The following CACNA1C variants were observed in gnomAD, a reference collection of about 807,000 sequenced individuals.
The protein encoded by CACNA1C is calcium voltage-gated channel subunit alpha1 C.
A neutral mutation model predicts 229.0 loss-of-function variants in CACNA1C; 30 were observed. That is an observed-to-expected ratio of 0.13 (90% CI 0.10 to 0.18). The LOEUF is 0.18. Among genes scored for constraint, CACNA1C ranks in the 10% least tolerant of loss-of-function variants. The probability of loss-of-function intolerance (pLI) is 1.00; values close to 1 mark genes in which losing one functional copy is unlikely to be tolerated. For synonymous variants in CACNA1C, 1,114 were observed against 1,132.5 expected (o/e 0.98, Z 0.33); for missense variants, 1,658 against 2,845.0 (o/e 0.58, Z 9.49).
At chr12:2,038,431 A>G (rs2049520503) in intron 1 of CACNA1C, among the ~76,000 whole-genome samples, 1 of 152,168 alleles carries the variant, frequency 6.6e-6, no homozygotes, top group Non-Finnish European at 1.5e-5. Flanking sequence ...GTGACCCCCA[A>G]AACTTCCCAG....
chr12:2,186,392 G>A (rs2097008773), intron 3 of CACNA1C, among the ~76,000 whole-genome samples: 1 of 152,210 alleles, frequency 6.6e-6, no homozygotes, highest in South Asian at 2.1e-4. Flanking sequence ...CCTCCTAGGG[G>A]TGTCCTGAAG....
intron 1 of CACNA1C, among the ~76,000 whole-genome samples, chr12:2,091,676 A>C (rs2071144034): frequency 6.6e-6 from 1 of 152,246 alleles, no homozygotes. Context: ...CACATAAGGT[A>C]ACTTATTCAC....
intron 3 of CACNA1C, among the ~76,000 whole-genome samples, chr12:2,248,372 A>T (rs549823838): frequency 2.6e-5 from 4 of 152,312 alleles, no homozygotes; most frequent in African/African-American, 9.6e-5. Flanking sequence ...ATTTCTCTGC[A>T]CCGGGCCAAG....
At chr12:2,452,567 G>C (rs1028636989) in intron 4 of CACNA1C, among the ~76,000 whole-genome samples, 6 of 152,224 alleles carry the variant, frequency 3.9e-5, no homozygotes, top group Middle Eastern at 3.4e-3. Context: ...GTCCACACCA[G>C]AGCCCAACCC....
intron 3 of CACNA1C, among the ~76,000 whole-genome samples, chr12:2,199,146 C>T (rs1241535231): frequency 6.6e-6 from 1 of 152,138 alleles, no homozygotes; most frequent in Non-Finnish European, 1.5e-5. Flanking sequence ...AACTCCCCTC[C>T]CAGCCACGAA....
At chr12:2,624,549 A>G (rs538549471) in intron 29 of CACNA1C, among the ~76,000 whole-genome samples, 31 of 152,362 alleles carry the variant, frequency 2.0e-4, no homozygotes, top group Admixed American at 2.0e-3. Flanking sequence ...CTTGAAGAGC[A>G]AGCAAGAATT....
chr12:2,330,370 C>T (rs932442741), intron 3 of CACNA1C, among the ~76,000 whole-genome samples: 1 of 152,212 alleles, frequency 6.6e-6, no homozygotes, highest in African/African-American at 2.4e-5. Context: ...AACAAGTTAA[C>T]ATTAAAAACA....
chr12:2,560,992 G>A (rs1306677016), intron 11 of CACNA1C, among the ~76,000 whole-genome samples: 7 of 152,018 alleles, frequency 4.6e-5, no homozygotes, highest in Admixed American at 4.6e-4. Context: ...AGCACTGTCC[G>A]CTCCTCACCT....
chr12:2,094,349 C>T (rs760645817), intron 1 of CACNA1C, among the ~76,000 whole-genome samples: 1 of 152,172 alleles, frequency 6.6e-6, no homozygotes, highest in Non-Finnish European at 1.5e-5. Context: ...TGTTGAGACT[C>T]AGCGGAGCAC....
At chr12:2,474,295 T>G (rs2099609494) in intron 5 of CACNA1C, among the ~76,000 whole-genome samples, 1 of 152,156 alleles carries the variant, frequency 6.6e-6, no homozygotes. Flanking sequence ...CCTCAGAAAC[T>G]TCACTCCAAG....
intron 1 of CACNA1C, among the ~76,000 whole-genome samples, chr12:1,982,348 C>T (rs2036394879): frequency 6.6e-6 from 1 of 152,126 alleles, no homozygotes; most frequent in Non-Finnish European, 1.5e-5. Context: ...CAAACTAAAA[C>T]TCTGTACCCA....
At chr12:2,150,243 G>T (rs1051389670) in intron 3 of CACNA1C, among the ~76,000 whole-genome samples, 1 of 152,186 alleles carries the variant, frequency 6.6e-6, no homozygotes, top group African/African-American at 2.4e-5. Context: ...ATAACACGGA[G>T]AATAGGATGG....
At position 2,693,561 on chromosome 12, in the gene CACNA1C, T is replaced by C. The variant is rs2097811010; in HGVS notation, c.*2362T>C. The C allele has an allele frequency of 6.6e-6, 1 of 152,196 alleles. No individual in the cohort carries two copies. The highest frequency in any genetic ancestry group is 2.4e-5 in the African/African-American group (1 of 41,424). The allele number at this position is 152,196 out of a possible 1,614,324, so 9.4% of individuals were successfully genotyped here. On this transcript the variant is annotated 3_prime_UTR_variant, in exon 47 of 47. Coordinates refer to ENST00000399655, the MANE Select transcript of CACNA1C (RefSeq NM_000719.7). ...GCTCCTTTCTCCATCCCTTCCTCAC[T>C]CTGGAGCAGCCTTTCCTTCAGGCTT...
At chr12:2,069,379 A>G (rs2238017) in intron 1 of CACNA1C, among the ~76,000 whole-genome samples, 68,097 of 151,996 alleles carry the variant, frequency 0.45, 16,370 homozygotes, top group East Asian at 0.71. Context: ...AACACTTGGG[A>G]GCCAAACCCC....
chr12:2,341,490 G>A (rs2096861198), intron 3 of CACNA1C, among the ~76,000 whole-genome samples: 1 of 131,548 alleles, frequency 7.6e-6, no homozygotes, highest in South Asian at 2.2e-4. Flanking sequence ...CACTCTGGGA[G>A]GCAGTGCTGT....
At chr12:1,994,197 T>C (rs1048571459) in intron 1 of CACNA1C, among the ~76,000 whole-genome samples, 3 of 152,194 alleles carry the variant, frequency 2.0e-5, no homozygotes, top group African/African-American at 7.2e-5. Flanking sequence ...GTAATTCAAC[T>C]GCGCAACTTC....
At chr12:2,413,786 T>A (rs1299318489) in intron 3 of CACNA1C, among the ~76,000 whole-genome samples, 1 of 152,188 alleles carries the variant, frequency 6.6e-6, no homozygotes. Context: ...TCCACTGCCA[T>A]TTAGGCCATT....
At chr12:2,107,180 C>A (rs1425114542) in intron 1 of CACNA1C, among the ~76,000 whole-genome samples, 15 of 149,212 alleles carry the variant, frequency 1.0e-4, no homozygotes, top group Non-Finnish European at 2.2e-4. Flanking sequence ...TGGGTGCTCA[C>A]CCTGGAGAGG....
At chr12:2,400,551 C>T (rs2098662794) in intron 3 of CACNA1C, among the ~76,000 whole-genome samples, 1 of 152,212 alleles carries the variant, frequency 6.6e-6, no homozygotes, top group Non-Finnish European at 1.5e-5. Context: ...TGAAAACCCA[C>T]ACAGGGCTGC....
Sources: allele counts gnomAD v4.1 joint callset (sites outside exome capture counted in the v4.1 genomes callset), GRCh38; gene constraint gnomAD v4.1.1; transcripts MANE v1.5; gene names NCBI Gene and HGNC (gene_info 2026-07-23, HGNC 2026-07-21).